Variants in PCDH7 observed in about 807,000 individuals in gnomAD.
PCDH7 encodes protocadherin 7, also known as protocadherin-7.
In PCDH7, 17 loss-of-function variants were observed where a neutral mutation model predicts 58.9. The ratio of observed to expected loss-of-function variants is 0.29; its 90% CI spans 0.20 to 0.43. The LOEUF (loss-of-function observed/expected upper bound fraction) is 0.43. Ranked by LOEUF, PCDH7 falls within the 20% of genes least tolerant of loss-of-function variation. The pLI is 1.00. For synonymous variants in PCDH7, 664 were observed against 616.4 expected, an observed-to-expected ratio of 1.08 and a Z score of -1.14; for missense variants, 1,274 against 1,441.0, an observed-to-expected ratio of 0.88 and a Z score of 1.88.
chr4:30,952,578 A>G (rs1024825002), intron 3 of PCDH7, among the ~76,000 whole-genome samples: 1 of 152,096 alleles, frequency 6.6e-6, no homozygotes, highest in East Asian at 1.9e-4. Context: ...CACTGAAAGG[A>G]TGTTAAAAGA....
At chr4:31,008,610 TA>T (rs140251183) in intron 3 of PCDH7, among the ~76,000 whole-genome samples, 6 of 151,806 alleles carry the variant, frequency 4.0e-5, no homozygotes, top group South Asian at 2.1e-4. Flanking sequence ...GGTTTCCTCT[TA>T]AAAAAAATAG....
At chr4:30,796,453 A>G (rs975417811) in intron 1 of PCDH7, among the ~76,000 whole-genome samples, 1 of 152,170 alleles carries the variant, frequency 6.6e-6, no homozygotes, top group Non-Finnish European at 1.5e-5. Context: ...CTCTCTTTCT[A>G]TGTACTGCTG....
intron 2 of PCDH7, among the ~76,000 whole-genome samples, chr4:30,935,970 A>T (rs762513376): frequency 6.6e-6 from 1 of 152,124 alleles, no homozygotes; most frequent in Non-Finnish European, 1.5e-5. Flanking sequence ...TGTCAGAGAT[A>T]AATAAATTAT....
At chr4:31,046,638 A>G (rs1378456131) in intron 3 of PCDH7, among the ~76,000 whole-genome samples, 2 of 152,028 alleles carry the variant, frequency 1.3e-5, no homozygotes, top group Non-Finnish European at 2.9e-5. Flanking sequence ...AAGTATACAC[A>G]CACATGCAAG....
chr4:30,771,129 C>G (rs533911853), intron 1 of PCDH7, among the ~76,000 whole-genome samples: 1 of 152,122 alleles, frequency 6.6e-6, no homozygotes, highest in Non-Finnish European at 1.5e-5. Context: ...GCTATTTGAT[C>G]TATTTATTTT....
chr4:30,822,636 T>A (rs955408266), intron 1 of PCDH7, among the ~76,000 whole-genome samples: 1 of 152,142 alleles, frequency 6.6e-6, no homozygotes, highest in Admixed American at 6.6e-5. Flanking sequence ...TTTTTTTAGT[T>A]AGACATTTCA....
intron 1 of PCDH7, among the ~76,000 whole-genome samples, chr4:30,868,615 C>T (rs1735167629): frequency 6.6e-6 from 1 of 151,468 alleles, no homozygotes; most frequent in African/African-American, 2.4e-5. Context: ...ATGATAAACT[C>T]TCTGATGGAA....
At chr4:30,759,983 T>A (rs1242038049) in intron 1 of PCDH7, among the ~76,000 whole-genome samples, 3 of 152,092 alleles carry the variant, frequency 2.0e-5, no homozygotes, top group Non-Finnish European at 4.4e-5. Flanking sequence ...AAACCCTCCT[T>A]TCAAAATAGT....
chr4:31,115,736 A>C (rs1716912589), intron 3 of PCDH7, among the ~76,000 whole-genome samples: 1 of 152,232 alleles, frequency 6.6e-6, no homozygotes, highest in Non-Finnish European at 1.5e-5. Context: ...GATAGGAGGA[A>C]GCTATATTGA....
chr4:31,101,092 C>A (rs541421004), intron 3 of PCDH7, among the ~76,000 whole-genome samples: 1 of 152,064 alleles, frequency 6.6e-6, no homozygotes, highest in African/African-American at 2.4e-5. Context: ...TGATTATTAC[C>A]AGGTAGCATT....
At chr4:30,942,966 T>C (rs1445727088) in intron 2 of PCDH7, among the ~76,000 whole-genome samples, 1 of 151,806 alleles carries the variant, frequency 6.6e-6, no homozygotes, top group East Asian at 1.9e-4. Flanking sequence ...TATCCTGGAA[T>C]ACTTTTTGAA....
chr4:30,724,318 A>G, exon 1 of PCDH7: 1 of 1,614,118 alleles, frequency 6.2e-7, no homozygotes, highest in Non-Finnish European at 8.5e-7. Context: ...GAGGTATGAT[A>G]GTGTCAATGA....
chr4:30,944,173 A>G (rs1746399157), intron 2 of PCDH7, among the ~76,000 whole-genome samples: 1 of 152,134 alleles, frequency 6.6e-6, no homozygotes, highest in South Asian at 2.1e-4. Context: ...TCCTGAGGCT[A>G]CATGCTCTGT....
chr4:31,137,115 G>GT (rs1719693912), intron 3 of PCDH7, among the ~76,000 whole-genome samples: 1 of 151,986 alleles, frequency 6.6e-6, no homozygotes, highest in South Asian at 2.1e-4. Flanking sequence ...AAAACCTTTT[G>GT]TAAGTCCACC....
rs533234773 is a variant in PCDH7, at chr4:30,722,217, G to T, written c.795G>T (p.Ala265=). 5.7e-6 allele frequency: 9 copies of T among 1,590,238 alleles called. No homozygotes were observed. The highest frequency in any genetic ancestry group is 3.5e-5 in the Admixed American group (2 of 56,892). ...AGCCGCAGCTGATCGTGAAGGGGGC[G>T]CTGGACCGCGAGCAGCGCGACTCCT... is the stretch of plus-strand genomic sequence containing the variant. The change falls in exon 1 of 2, where the codon GCG becomes GCT. Residue 265 remains alanine, a synonymous_variant. Transcript: ENST00000361762. The surrounding 1 kb of genome is among the most constrained non-coding windows in gnomAD (Gnocchi z 7.6).
downstream of PCDH7, among the ~76,000 whole-genome samples, chr4:30,733,361 A>G (rs1715786640): frequency 6.7e-6 from 1 of 148,874 alleles, no homozygotes; most frequent in East Asian, 2.1e-4. Context: ...TCCTGGTACT[A>G]AAAGAATAAT....
intron 3 of PCDH7, among the ~76,000 whole-genome samples, chr4:31,066,352 G>T (rs1250833293): frequency 6.6e-6 from 1 of 151,780 alleles, no homozygotes; most frequent in African/African-American, 2.4e-5. Context: ...GACATAATAA[G>T]GATAAATATA....
rs1713925453 is a variant in PCDH7 at position 30,722,918 on chromosome 4, G to A, written c.1496G>A (p.Arg499Gln). The A allele has an allele frequency of 1.9e-6, 3 of 1,613,624 alleles. No individual in the cohort carries two copies. Among genetic ancestry groups the A allele is most frequent in the South Asian group, 2.2e-5 (2 of 91,072 alleles). Reference sequence around the variant, plus strand: ...ACCCCTCTGGACTATGAGGCCACCCGGGAGTTCAACGTGGTCATCGTGGCG... The same window carrying A: ...ACCCCTCTGGACTATGAGGCCACCCAGGAGTTCAACGTGGTCATCGTGGCG... The change falls in exon 1 of 2, where the codon CGG (arginine) becomes CAG (glutamine). Residue 499 changes from arginine to glutamine, a missense_variant. Physicochemically the swap from Arg to Gln is conservative, Grantham distance 43. Transcript: ENST00000361762. The surrounding 1 kb of genome is among the most constrained non-coding windows in gnomAD (Gnocchi z 7.6).
chr4:30,759,720 T>A lies in PCDH7; in HGVS notation c.70+35124T>A, dbSNP rs1287367277. ...ATACACATACATATATAACAAAATC[T>A]TTCATTAAATGAAAGATTCATATAA... is the stretch of plus-strand genomic sequence containing the variant. On this transcript the variant is annotated intron_variant, in intron 1 of 3. Transcript: ENST00000509759. Among the ~76,000 whole-genome samples the A allele has an allele frequency of 2.0e-5, 3 of 152,156 alleles. 1 individual carries two copies. The highest frequency in any genetic ancestry group is 4.4e-5 in the Non-Finnish European group (3 of 68,036).
Sources: gnomAD v4.1 joint callset for allele counts (sites outside exome capture counted in the v4.1 genomes callset) on GRCh38, gnomAD v4.1.1 for gene constraint, Gnocchi (gnomAD v3.1) non-coding constraint, MANE v1.5 for transcripts, NCBI Gene and HGNC (gene_info 2026-07-23, HGNC 2026-07-21) for gene names.